Variants in CDH17 observed in about 807,000 individuals in gnomAD.
CDH17 encodes the protein cadherin-17.
A neutral mutation model predicts 86.3 loss-of-function variants in CDH17; 67 were observed. The observed-to-expected ratio is 0.78, with a 90% CI of 0.64 to 0.95. The LOEUF (loss-of-function observed/expected upper bound fraction) is 0.95, where lower values mean the gene tolerates loss of function less well. Among genes scored for constraint, CDH17 ranks in the 40% least tolerant of loss-of-function variants. CDH17 has a pLI of 0.00. For missense variants in CDH17, 993 were observed against 1,017.6 expected, an observed-to-expected ratio of 0.98 and a Z score of 0.33; for synonymous variants, 367 against 366.4, an observed-to-expected ratio of 1.00 and a Z score of -0.02.
chr8:94,193,255 A>G (rs1813720748), intron 2 of CDH17, among the ~76,000 whole-genome samples: 1 of 152,220 alleles, frequency 6.6e-6, no homozygotes, highest in Admixed American at 6.5e-5. Flanking sequence ...TAATAATTAG[A>G]TATTATTATT....
rs1813257745 is a variant in CDH17 at position 94,170,940 on chromosome 8, C to G, written c.829G>C (p.Glu277Gln). Residue 277 changes from glutamate to glutamine, a missense_variant, in exon 8 of 18, where the codon GAG (glutamate) becomes CAG (glutamine). Coordinates refer to ENST00000027335, the MANE Select transcript of CDH17 (RefSeq NM_004063.4). ...PGAQYSLVDK[E>Q]KLPRFPFSID... is the part of the protein sequence containing the mutation. ...GAAAATGGGAATCTTGGCAGCTTCT[C>G]TTTGTCAACTAAGGAATATTGTGCA... 1.2e-6 allele frequency: 2 copies of G among 1,613,820 alleles called. No homozygotes were observed. The highest frequency in any genetic ancestry group is 1.7e-6 in the Non-Finnish European group (2 of 1,179,838).
intron 15 of CDH17, among the ~76,000 whole-genome samples, chr8:94,139,672 G>A (rs1004018274): frequency 2.6e-5 from 4 of 152,104 alleles, no homozygotes; most frequent in Non-Finnish European, 5.9e-5. Context: ...GGAGGCTGGG[G>A]CAGGCAGATT....
rs374903977 is a variant in CDH17, at chr8:94,162,137, T to C, written c.1308A>G (p.Gln436=). Residue 436 remains glutamine, a synonymous_variant, in exon 11 of 18, where the codon CAA becomes CAG. Transcript: ENST00000027335. ...GATCATTGATATCAATAACGTTGAT[T>C]TGCACAAAACAAAGGGTCTTGAAAT... The part of the protein sequence containing the change: ...DKDFKTLCFV[Q]INVIDINDQI... 2.5e-5 allele frequency: 41 copies of C among 1,609,156 alleles called. No homozygotes were observed. Among genetic ancestry groups the C allele is most frequent in the Non-Finnish European group, 3.2e-5 (38 of 1,175,690 alleles).
chr8:94,216,439 G>C (rs1478863034), intron 1 of CDH17, among the ~76,000 whole-genome samples: 4 of 152,138 alleles, frequency 2.6e-5, no homozygotes, highest in African/African-American at 9.7e-5. Context: ...TTCTAAGGAG[G>C]CCTGGGAGGA....
At chr8:94,144,037 C>T (rs760343182) in intron 15 of CDH17, among the ~76,000 whole-genome samples, 55 of 152,326 alleles carry the variant, frequency 3.6e-4, no homozygotes, top group Non-Finnish European at 2.9e-4. Context: ...ATCAACATAA[C>T]ATCCTCACTA....
At chr8:94,182,306 G>GA (rs1213049964) in intron 3 of CDH17, among the ~76,000 whole-genome samples, 1 of 151,946 alleles carries the variant, frequency 6.6e-6, no homozygotes, top group Non-Finnish European at 1.5e-5. Flanking sequence ...ACCCAAACCA[G>GA]AAAAAAGTCA....
intron 1 of CDH17, among the ~76,000 whole-genome samples, chr8:94,205,568 G>T (rs149953490): frequency 6.6e-6 from 1 of 152,306 alleles, no homozygotes; most frequent in Admixed American, 6.5e-5. Context: ...AGTATGGCAG[G>T]TTCACTTTCC....
At chr8:94,180,958 A>C (rs1813472464) in intron 3 of CDH17, among the ~76,000 whole-genome samples, 1 of 151,808 alleles carries the variant, frequency 6.6e-6, no homozygotes, top group Non-Finnish European at 1.5e-5. Context: ...AAAAAAAAAA[A>C]AACAAAGTGC....
chr8:94,186,869 C>T (rs539986815), intron 3 of CDH17, among the ~76,000 whole-genome samples: 8 of 152,298 alleles, frequency 5.3e-5, no homozygotes, highest in African/African-American at 1.4e-4. Flanking sequence ...TAGTCCAGCC[C>T]GTGCTGACCT....
rs557873384 is a variant in CDH17, at chr8:94,131,036, T to A, written c.2168-44A>T. 47 of 1,002,486 alleles carry A rather than the reference T, an allele frequency of 4.7e-5. No homozygotes were observed. The Middle Eastern group carries it at 8.4e-4, about 18-fold the overall frequency. 62.1% of individuals were successfully genotyped at this position (1,002,486 alleles called of 1,614,324 possible). On this transcript the variant is annotated intron_variant, in intron 15 of 17. Coordinates refer to ENST00000027335, the MANE Select transcript of CDH17 (RefSeq NM_004063.4). ...AAAATGAAAATACAACTTCAGACCC[T>A]GGATTAGCAGGAATAAAGCTCATTT...
intron 1 of CDH17, among the ~76,000 whole-genome samples, chr8:94,205,725 A>T (rs548491403): frequency 1.3e-5 from 2 of 152,252 alleles, no homozygotes; most frequent in South Asian, 2.1e-4. Context: ...GAATTGTTTT[A>T]AAAAATAGCA....
chr8:94,214,723 G>C (rs1814169865), intron 1 of CDH17, among the ~76,000 whole-genome samples: 1 of 152,250 alleles, frequency 6.6e-6, no homozygotes, highest in African/African-American at 2.4e-5. Context: ...ACAATTCATA[G>C]AAGGAAAGAA....
intron 3 of CDH17, among the ~76,000 whole-genome samples, chr8:94,186,977 C>T (rs573463287): frequency 1.3e-5 from 2 of 152,322 alleles, no homozygotes; most frequent in Middle Eastern, 3.4e-3. Context: ...CACCCCCATG[C>T]TTTTTCCCAT....
At position 94,130,969 on chromosome 8, in the gene CDH17, T is replaced by A. The variant is rs1282642607; in HGVS notation, c.2191A>T (p.Arg731Trp). 1.3e-6 allele frequency: 2 copies of A among 1,599,472 alleles called. No individual in the cohort carries two copies. Among genetic ancestry groups the A allele is most frequent in the Non-Finnish European group, 1.7e-6 (2 of 1,166,958 alleles). The change falls in exon 16 of 18, where the codon AGG becomes TGG. Residue 731 changes from arginine (R) to tryptophan (W), a missense_variant. Physicochemically the swap from Arg to Trp is moderately radical, Grantham distance 101. Coordinates refer to ENST00000027335, the MANE Select transcript of CDH17 (RefSeq NM_004063.4). Reference protein sequence around the residue: ...INGTHARLSTRHTEFEEREYV... With the variant: ...INGTHARLSTWHTEFEEREYV... ...TCCCTCTCCTCAAACTCTGTGTGCCTGGTAGACAGTCGGGCATGAGTACCT... is the reference window on the plus strand; with the variant it reads ...TCCCTCTCCTCAAACTCTGTGTGCCAGGTAGACAGTCGGGCATGAGTACCT...
chr8:94,145,120 C>T (rs1448378910), intron 15 of CDH17, among the ~76,000 whole-genome samples: 5 of 152,284 alleles, frequency 3.3e-5, no homozygotes, highest in Admixed American at 2.6e-4. Context: ...AATCATATAA[C>T]TCCCATATGA....
chr8:94,148,811 A>G lies in CDH17; in HGVS notation c.1860T>C (p.Phe620=). Reference sequence around the variant, plus strand: ...CTTCTCTGTCCAATGGAGCCACACTAAAGATCTCACCAGTCACGTGGTCAA... The same window carrying G: ...CTTCTCTGTCCAATGGAGCCACACTGAAGATCTCACCAGTCACGTGGTCAA... ...LKIDHVTGEI[F]SVAPLDREAG... Residue 620 remains phenylalanine (F), a synonymous_variant, in exon 14 of 18, where the codon TTT becomes TTC. Transcript: ENST00000027335. The G allele has an allele frequency of 3.7e-6, 6 of 1,609,150 alleles. No individual in the cohort carries two copies. Among genetic ancestry groups the G allele is most frequent in the Non-Finnish European group, 3.4e-6 (4 of 1,178,468 alleles).
chr8:94,144,143 C>G (rs1267829395), intron 15 of CDH17, among the ~76,000 whole-genome samples: 4 of 152,138 alleles, frequency 2.6e-5, no homozygotes, highest in Admixed American at 6.6e-5. Context: ...TATTAATTGG[C>G]CTAATTTCAA....
chr8:94,142,553 C>A (rs560201221), intron 15 of CDH17, among the ~76,000 whole-genome samples: 5 of 152,306 alleles, frequency 3.3e-5, no homozygotes, highest in African/African-American at 1.2e-4. Context: ...CATGAGAGAG[C>A]CCTCTGTATA....
In CDH17 at chr8:94,162,114, T is replaced by C; in HGVS notation, c.1331A>G (p.Asp444Gly). 6.2e-7 allele frequency: 1 copy of C among 1,606,270 alleles called. No individual in the cohort carries two copies. The highest frequency in any genetic ancestry group is 8.5e-7 in the Non-Finnish European group (1 of 1,172,994). Residue 444 changes from aspartate to glycine, a missense_variant, in exon 11 of 18, where the codon GAT becomes GGT. Asp to Gly is a moderately conservative substitution (Grantham distance 94). Coordinates refer to ENST00000027335, the MANE Select transcript of CDH17 (RefSeq NM_004063.4). ...TGATTTTTCAAAGATGGGGATCTGA[T>C]CATTGATATCAATAACGTTGATTTG... ...FVQINVIDIN[D>G]QIPIFEKSDY...
Sources: allele counts gnomAD v4.1 joint callset (sites outside exome capture counted in the v4.1 genomes callset), GRCh38; gene constraint gnomAD v4.1.1; transcripts MANE v1.5; gene names NCBI Gene and HGNC (gene_info 2026-07-23, HGNC 2026-07-21).